The following PCDHGA5 variants were observed in gnomAD, a reference collection of about 807,000 sequenced individuals.
The protein encoded by PCDHGA5 is protocadherin gamma-A5.
A neutral mutation model predicts 56.7 loss-of-function variants in PCDHGA5; 36 were observed. The ratio of observed to expected loss-of-function variants is 0.64; its 90% CI spans 0.49 to 0.84. PCDHGA5 has a LOEUF of 0.84. Ranked by LOEUF, PCDHGA5 falls within the 40% of genes least tolerant of loss-of-function variation. The pLI, the probability that PCDHGA5 is intolerant of heterozygous loss-of-function variation, is 0.00. For missense variants in PCDHGA5, 1,305 were observed against 1,201.5 expected, an observed-to-expected ratio of 1.09 and a Z score of -1.27; for synonymous variants, 563 against 520.2, an observed-to-expected ratio of 1.08 and a Z score of -1.12.
Position 141,365,520 on chromosome 5 carries a change from C to G in PCDHGA5, c.1190C>G (p.Ser397Ter), listed in dbSNP as rs749868232. ...PRNLPFKLEK[S>*]VDNYYHLLTT... is the part of the protein sequence containing the mutation. The stretch of plus-strand genomic sequence containing the variant: ...AATTTGCCTTTTAAATTGGAGAAGT[C>G]AGTTGATAATTACTATCACCTATTA... The change falls in exon 1 of 4, where the codon TCA (serine) becomes TGA (stop). Residue 397 changes from serine (S) to a stop codon, truncating the protein, a stop_gained. Transcript: ENST00000518069. LOFTEE classifies it high-confidence loss of function. 1 of 1,613,828 alleles carries G rather than the reference C, an allele frequency of 6.2e-7. No homozygotes were observed. The highest frequency in any genetic ancestry group is 2.2e-5 in the East Asian group (1 of 44,886).
intron 1 of PCDHGA5, among the ~76,000 whole-genome samples, chr5:141,484,211 G>A (rs1362875959): frequency 6.6e-6 from 1 of 152,158 alleles, no homozygotes; most frequent in Non-Finnish European, 1.5e-5. Context: ...ATGAACATTA[G>A]CATTCTGCCA....
Position 141,390,510 on chromosome 5 carries a change from TAA to T in PCDHGA5, c.2421+23761_2421+23762del. The T allele has an allele frequency of 5.1e-6, 3 of 587,534 alleles. No homozygotes were observed. The South Asian group carries it at 6.4e-5, about 13-fold the overall frequency. 36.4% of individuals were successfully genotyped at this position (587,534 alleles called of 1,614,324 possible). A position where few individuals can be genotyped will look rare whatever the true frequency, so the allele number is the denominator to read the frequency against. The stretch of plus-strand genomic sequence containing the variant: ...TGTTTTTTAGCCAAGCTTAGATTTA[TAA>T]AGCAATGAGGGTGTGGTTTTAACCA... On this transcript the variant is annotated intron_variant, in intron 1 of 3. Transcript: ENST00000518069.
At chr5:141,502,074 C>G (rs73794927) in intron 2 of PCDHGA5, among the ~76,000 whole-genome samples, 1,657 of 152,272 alleles carry the variant, frequency 0.011, 27 homozygotes, top group African/African-American at 0.037. Flanking sequence ...CCCCCTTCAC[C>G]TGGGGCTGAG....
chr5:141,496,144 T>C (rs1478887814), intron 2 of PCDHGA5, among the ~76,000 whole-genome samples: 1 of 151,780 alleles, frequency 6.6e-6, no homozygotes, highest in Non-Finnish European at 1.5e-5. Context: ...GAGCCTTTGA[T>C]CGCAGCTCTC....
chr5:141,390,295 A>G (rs1371103397), intron 1 of PCDHGA5: 2 of 1,613,930 alleles, frequency 1.2e-6, no homozygotes, highest in South Asian at 2.2e-5. Flanking sequence ...AGTTTCCTTT[A>G]AGTATAATTT....
chr5:141,472,268 A>G (rs399559), intron 1 of PCDHGA5, among the ~76,000 whole-genome samples: 152,324 of 152,332 alleles, frequency 1, 76,158 homozygotes, highest in Middle Eastern at 1. Flanking sequence ...ATAGCCGGGC[A>G]CAGTGGCTCA....
chr5:141,367,008 A>G (rs1359337348), intron 1 of PCDHGA5: 3 of 436,014 alleles, frequency 6.9e-6, no homozygotes, highest in Admixed American at 4.1e-5. Flanking sequence ...CATTTTACCC[A>G]AATATTTTGT....
intron 1 of PCDHGA5, chr5:141,383,000 C>T (rs1330577304): frequency 6.2e-7 from 1 of 1,613,646 alleles, no homozygotes; most frequent in Non-Finnish European, 8.5e-7. Context: ...ATTCTCTACT[C>T]CGTGTCGGAG....
intron 1 of PCDHGA5, chr5:141,394,899 G>A: frequency 6.2e-7 from 1 of 1,613,804 alleles, no homozygotes; most frequent in Admixed American, 1.7e-5. Context: ...TCTCGTGGTG[G>A]CAGTGGCTGC....
At chr5:141,395,174 AAATGATT>A in intron 1 of PCDHGA5, 1 of 1,614,220 alleles carries the variant, frequency 6.2e-7, no homozygotes, top group Non-Finnish European at 8.5e-7. Flanking sequence ...GCTGTGAGAA[AAATGATT>A]CTTTGTTAAC....
At chr5:141,382,833 C>T (rs1017641917) in intron 1 of PCDHGA5, 11 of 1,423,922 alleles carry the variant, frequency 7.7e-6, no homozygotes, top group South Asian at 1.4e-5. Flanking sequence ...GAGGGGTCCA[C>T]CCGGATACAC....
chr5:141,403,343 C>T (rs774711306), intron 1 of PCDHGA5: 10 of 1,614,000 alleles, frequency 6.2e-6, no homozygotes, highest in Admixed American at 1.7e-5. Context: ...CGACAGCGCC[C>T]CAAAGTTCCA....
In PCDHGA5 at chr5:141,489,198, C is replaced by G; in HGVS notation, c.2422-5609C>G. 1 of 1,392,402 alleles carries G rather than the reference C, an allele frequency of 7.2e-7. No individual in the cohort carries two copies. Among genetic ancestry groups the G allele is most frequent in the South Asian group, 1.4e-5 (1 of 71,348 alleles). The allele number at this position is 1,392,402 out of a possible 1,614,324, so 86.3% of individuals were successfully genotyped here. A position where few individuals can be genotyped will look rare whatever the true frequency, so the allele number is the denominator to read the frequency against. On this transcript the variant is annotated intron_variant, in intron 1 of 3. Coordinates refer to ENST00000518069, the MANE Select transcript of PCDHGA5 (RefSeq NM_018918.3). This position sits in a 1 kb window ranked among gnomAD's most constrained non-coding sequence, Gnocchi z 4.5. ...CCAAGCCCTGGGTCTACCTTGGAGA[C>G]AGGACAGCACAGACTTACTCTCCAC...
intron 1 of PCDHGA5, among the ~76,000 whole-genome samples, chr5:141,397,434 A>G (rs1343347268): frequency 1.3e-5 from 2 of 152,238 alleles, no homozygotes; most frequent in African/African-American, 4.8e-5. Context: ...TTTCCCTAAT[A>G]TGTGTAATAT....
Position 141,366,239 on chromosome 5 carries a change from G to A in PCDHGA5, c.1909G>A (p.Ala637Thr). ...RTARALLDRD[A>T]LKQSLVVAVE... Reference sequence around the variant, plus strand: ...AGCGCGAGCCCTGCTGGACAGAGACGCGCTCAAGCAGAGCCTCGTGGTGGC... The same window carrying A: ...AGCGCGAGCCCTGCTGGACAGAGACACGCTCAAGCAGAGCCTCGTGGTGGC... Residue 637 changes from alanine (A) to threonine (T), a missense_variant, in exon 1 of 4, where the codon GCG (alanine) becomes ACG (threonine). Physicochemically the swap from Ala to Thr is moderately conservative, Grantham distance 58 (BLOSUM62 0). Coordinates refer to ENST00000518069, the MANE Select transcript of PCDHGA5 (RefSeq NM_018918.3). The A allele has an allele frequency of 1.9e-6, 3 of 1,613,776 alleles. No homozygotes were observed. Among genetic ancestry groups the A allele is most frequent in the Non-Finnish European group, 1.7e-6 (2 of 1,180,042 alleles).
At chr5:141,409,916 T>C (rs762510018) in intron 1 of PCDHGA5, 3 of 1,613,298 alleles carry the variant, frequency 1.9e-6, no homozygotes, top group Non-Finnish European at 2.5e-6. Flanking sequence ...TCCTGACGGC[T>C]CCGCGTTCTT....
rs763995838 is a variant in PCDHGA5, at chr5:141,366,096, C to A, written c.1766C>A (p.Thr589Asn). Residue 589 changes from threonine (T) to asparagine (N), a missense_variant, in exon 1 of 4, where the codon ACC (threonine) becomes AAC (asparagine). By Grantham distance (65) the Thr-to-Asn change is moderately conservative (BLOSUM62 0). Coordinates refer to ENST00000518069, the MANE Select transcript of PCDHGA5 (RefSeq NM_018918.3). ...TCCGCAGAACCTGGCTACCTGGTGA[C>A]CAAGGTGGTAGCGGTGGACAAAGAT... Reference protein sequence around the residue: ...PRSAEPGYLVTKVVAVDKDSG... With the variant: ...PRSAEPGYLVNKVVAVDKDSG... The A allele has an allele frequency of 5.6e-6, 9 of 1,614,108 alleles. No individual in the cohort carries two copies. Among genetic ancestry groups the A allele is most frequent in the Middle Eastern group, 1.6e-4 (1 of 6,084 alleles).
chr5:141,497,197 A>G (rs1243476120), intron 2 of PCDHGA5, among the ~76,000 whole-genome samples: 2 of 106,804 alleles, frequency 1.9e-5, no homozygotes, highest in African/African-American at 5.7e-5. Flanking sequence ...GCAGAGAACA[A>G]TGTGAGTGTA....
intron 2 of PCDHGA5, 69 bp from the exon 3 acceptor site, chr5:141,505,324 G>T: frequency 6.2e-7 from 1 of 1,607,102 alleles, no homozygotes; most frequent in African/African-American, 1.3e-5. Context: ...GGAGCCCTGG[G>T]AGAGGACAGG....
Sources: allele counts gnomAD v4.1 joint callset (sites outside exome capture counted in the v4.1 genomes callset), GRCh38; gene constraint gnomAD v4.1.1; non-coding constraint Gnocchi (gnomAD v3.1); transcripts MANE v1.5; gene names NCBI Gene and HGNC (gene_info 2026-07-23, HGNC 2026-07-21).